Variants in HPS4 observed in about 807,000 individuals in gnomAD.
The protein encoded by HPS4 is BLOC-3 complex member HPS4.
Under a neutral mutation model 70.3 loss-of-function variants are expected in HPS4, and 44 were observed. The observed-to-expected ratio is 0.63, with a 90% CI of 0.49 to 0.80. The LOEUF is 0.80. Among genes scored for constraint, HPS4 ranks in the 30% least tolerant of loss-of-function variants. The pLI is 0.00. For missense variants in HPS4, 873 were observed against 884.4 expected (o/e 0.99, Z 0.16); for synonymous variants, 377 against 355.9 (o/e 1.06, Z -0.67).
intron 1 of HPS4, among the ~76,000 whole-genome samples, chr22:26,483,308 C>G (rs756429892): frequency 7.2e-5 from 11 of 152,160 alleles, no homozygotes; most frequent in Non-Finnish European, 1.3e-4. Context: ...CAGAAGAGAC[C>G]AATAATGGCC....
intron 12 of HPS4, 139 bp downstream of exon 12, chr22:26,458,306 G>T: frequency 3.8e-6 from 4 of 1,045,930 alleles, no homozygotes; most frequent in Non-Finnish European, 4.4e-6. Flanking sequence ...CTGGGCTCCC[G>T]GTGAGAAGAG....
At chr22:26,471,702 C>A (rs563980762) in intron 6 of HPS4, among the ~76,000 whole-genome samples, 1 of 152,194 alleles carries the variant, frequency 6.6e-6, no homozygotes, top group African/African-American at 2.4e-5. Context: ...CAGTGCTACA[C>A]CCCTGCTACA....
intron 2 of HPS4, among the ~76,000 whole-genome samples, chr22:26,480,017 C>G (rs1046879937): frequency 6.6e-6 from 1 of 152,340 alleles, no homozygotes; most frequent in African/African-American, 2.4e-5. Context: ...CTGATTCCCT[C>G]GGCCCAGAGA....
chr22:26,453,502 G>C, intron 13 of HPS4, 98 bp from the exon 14 acceptor site: 1 of 1,293,426 alleles, frequency 7.7e-7, no homozygotes, highest in Non-Finnish European at 1.1e-6. Flanking sequence ...GAGGACCCAG[G>C]ACACCCAATG....
chr22:26,446,946 G>A (rs993814347), downstream of HPS4, among the ~76,000 whole-genome samples: 1 of 152,054 alleles, frequency 6.6e-6, no homozygotes, highest in Non-Finnish European at 1.5e-5. Flanking sequence ...GGCTGATCTC[G>A]AACTCCTAAC....
rs754224646 is a variant in HPS4 at position 26,464,137 on chromosome 22, C to A, written c.1493G>T (p.Cys498Phe). ...CAGACCAGGGGCTGCGTGGCTTTCA[C>A]AGACCCCATCAACATCCTCATCCAG... ...QGLDEDVDGV[C>F]ESHAAPGLEC... The change falls in exon 11 of 14, where the codon TGT becomes TTT. Residue 498 changes from cysteine to phenylalanine, a missense_variant. Cys to Phe is a radical substitution (Grantham distance 205, BLOSUM62 -2). Coordinates refer to ENST00000398145, the MANE Select transcript of HPS4 (RefSeq NM_022081.6). The A allele has an allele frequency of 6.2e-7, 1 of 1,614,280 alleles. No individual in the cohort carries two copies. The highest frequency in any genetic ancestry group is 2.2e-5 in the East Asian group (1 of 44,886).
chr22:26,476,182 T>C (rs1480263218), intron 4 of HPS4: 1 of 152,180 alleles, frequency 6.6e-6, no homozygotes, highest in African/African-American at 2.4e-5. Flanking sequence ...AACTGTTCAG[T>C]ACTTTAAAAA....
At chr22:26,469,694 A>G (rs555278779) in intron 7 of HPS4, among the ~76,000 whole-genome samples, 1 of 58,238 alleles carries the variant, frequency 1.7e-5, no homozygotes, top group South Asian at 8.7e-4. Context: ...CTACAAAAAA[A>G]AAAAAAAGAA....
chr22:26,444,971 G>A (rs1224536662), intron 3 of HPS4: 1 of 152,192 alleles, frequency 6.6e-6, no homozygotes, highest in East Asian at 1.9e-4. Flanking sequence ...CATGTGACAT[G>A]TCTGGGGAAC....
At chr22:26,465,858 G>C in intron 9 of HPS4, 1 of 553,824 alleles carries the variant, frequency 1.8e-6, no homozygotes, top group South Asian at 2.0e-5. Context: ...TCCAACTCAG[G>C]CTTCAGAATA....
At chr22:26,472,771 C>G in intron 5 of HPS4, 61 bp downstream of exon 5, 1 of 1,221,390 alleles carries the variant, frequency 8.2e-7, no homozygotes, top group South Asian at 1.2e-5. Context: ...GTGCTGCATT[C>G]TGGCAATACC....
chr22:26,464,774 T>C lies in HPS4; in HGVS notation c.856A>G (p.Lys286Glu), dbSNP rs371311675. 18 of 1,585,810 alleles carry C rather than the reference T, an allele frequency of 1.1e-5. No homozygotes were observed. The highest frequency in any genetic ancestry group is 1.5e-5 in the Non-Finnish European group (17 of 1,166,286). Residue 286 changes from lysine to glutamate, a missense_variant, in exon 11 of 14, where the codon AAG becomes GAG. Transcript: ENST00000398145. ...TTCAGGGCAGATGTGCTCCCACCCT[T>C]TGGATGGTGCTGGGCTGAACCATCC... ...LQDGSAQHHPKGGSTSALKEN... is the reference protein window; with the variant it reads ...LQDGSAQHHPEGGSTSALKEN...
chr22:26,450,654 G>A (rs929374171), downstream of HPS4, among the ~76,000 whole-genome samples: 12 of 152,202 alleles, frequency 7.9e-5, no homozygotes, highest in African/African-American at 2.2e-4. Flanking sequence ...GTCGTGGGAG[G>A]GACCTGGTGG....
At chr22:26,473,885 C>A (rs934175577) in intron 4 of HPS4, among the ~76,000 whole-genome samples, 1 of 152,094 alleles carries the variant, frequency 6.6e-6, no homozygotes, top group African/African-American at 2.4e-5. Context: ...ACTAATAAAC[C>A]CTGACAGAAA....
intron 11 of HPS4, among the ~76,000 whole-genome samples, chr22:26,461,338 T>C (rs1390036183): frequency 2.6e-5 from 4 of 152,196 alleles, no homozygotes; most frequent in East Asian, 1.9e-4. Context: ...ATCACTGTGT[T>C]TGAAGGTCAA....
chr22:26,459,872 AGAAAT>A (rs1410256429), intron 11 of HPS4, among the ~76,000 whole-genome samples: 1 of 152,268 alleles, frequency 6.6e-6, no homozygotes, highest in African/African-American at 2.4e-5. Flanking sequence ...ATCATATAAA[AGAAAT>A]GGTGTCTCTT....
chr22:26,478,167 C>G (rs1174151275), intron 3 of HPS4, among the ~76,000 whole-genome samples: 2 of 151,996 alleles, frequency 1.3e-5, no homozygotes, highest in Admixed American at 1.3e-4. Context: ...CAAAATAATG[C>G]CCTTTTCAGT....
At chr22:26,476,641 T>C in intron 4 of HPS4, 1 of 247,822 alleles carries the variant, frequency 4.0e-6, no homozygotes, top group Non-Finnish European at 8.0e-6. Flanking sequence ...TATCTATCAT[T>C]TTTTTCTGGG....
chr22:26,479,454 CTG>C, intron 2 of HPS4, 99 bp from the exon 3 acceptor site: 1 of 1,543,542 alleles, frequency 6.5e-7, no homozygotes, highest in Non-Finnish European at 8.7e-7. Flanking sequence ...GGGCTTATTA[CTG>C]TGTTTGAAAG....
Sources: gnomAD v4.1 joint callset for allele counts (sites outside exome capture counted in the v4.1 genomes callset) on GRCh38, gnomAD v4.1.1 for gene constraint, MANE v1.5 for transcripts, NCBI Gene and HGNC (gene_info 2026-07-23, HGNC 2026-07-21) for gene names.